The following GBF1 variants were observed in gnomAD, a reference collection of about 807,000 sequenced individuals.
GBF1 encodes the protein Golgi-specific brefeldin A-resistance guanine nucleotide exchange factor 1.
Under a neutral mutation model 210.5 loss-of-function variants are expected in GBF1, and 114 were observed. That is an observed-to-expected ratio of 0.54 (90% CI 0.47 to 0.63). The LOEUF (loss-of-function observed/expected upper bound fraction) is 0.63, where lower values mean the gene tolerates loss of function less well. Ranked by LOEUF, GBF1 falls within the 30% of genes least tolerant of loss-of-function variation. The pLI, the probability that GBF1 is intolerant of heterozygous loss-of-function variation, is 0.00. For synonymous variants in GBF1, 850 were observed against 889.2 expected (o/e 0.96, Z 0.78); for missense variants, 1,851 against 2,357.7 (o/e 0.79, Z 4.45).
chr10:102,327,045 A>G (rs953855371), intron 3 of GBF1, among the ~76,000 whole-genome samples: 3 of 152,140 alleles, frequency 2.0e-5, no homozygotes, highest in Middle Eastern at 3.2e-3. Flanking sequence ...CAGCATATAC[A>G]CTATTATGTA....
intron 3 of GBF1, among the ~76,000 whole-genome samples, chr10:102,304,532 G>A (rs1365148964): frequency 6.6e-6 from 1 of 152,116 alleles, no homozygotes; most frequent in East Asian, 1.9e-4. Flanking sequence ...CTAGCACTTT[G>A]GGAAGCCAGG....
chr10:102,236,727 C>T, the GBF1 span, among the ~76,000 whole-genome samples: 1 of 152,162 alleles, frequency 6.6e-6, no homozygotes, highest in African/African-American at 2.4e-5. Context: ...AGAGGTAGAC[C>T]AGGGACATAG....
intron 10 of GBF1, chr10:102,359,024 G>A: frequency 1.7e-6 from 1 of 589,612 alleles, no homozygotes; most frequent in Non-Finnish European, 3.0e-6. Flanking sequence ...TCCTAAGCCT[G>A]TGAGAGGCTC....
chr10:102,268,541 A>G (rs1418070770), intron 3 of GBF1, among the ~76,000 whole-genome samples: 3 of 152,066 alleles, frequency 2.0e-5, no homozygotes, highest in African/African-American at 4.8e-5. Flanking sequence ...TATATGCCCA[A>G]CTTACCATGA....
chr10:102,344,727 G>C (rs990111972), intron 4 of GBF1, among the ~76,000 whole-genome samples: 4 of 151,996 alleles, frequency 2.6e-5, no homozygotes, highest in African/African-American at 9.7e-5. Flanking sequence ...TGATCTGCCC[G>C]CCTTGGCCTC....
chr10:102,380,152 T>G, intron 36 of GBF1, 97 bp from the exon 37 acceptor site: 2 of 833,166 alleles, frequency 2.4e-6, no homozygotes, highest in Non-Finnish European at 4.2e-6. Context: ...GATCTAAGAT[T>G]CTCATGCAAG....
intron 20 of GBF1, 123 bp downstream of exon 20, chr10:102,367,333 G>C: frequency 8.1e-7 from 1 of 1,231,390 alleles, no homozygotes; most frequent in Non-Finnish European, 1.2e-6. Context: ...AGGAAGGGCT[G>C]GCCAACCTAG....
At chr10:102,334,738 A>G (rs753097820) in intron 3 of GBF1, among the ~76,000 whole-genome samples, 5 of 151,986 alleles carry the variant, frequency 3.3e-5, no homozygotes, top group Non-Finnish European at 7.4e-5. Flanking sequence ...AGTCCCAGCT[A>G]CTCGGGAGGC....
rs759999935 is a variant in GBF1, at chr10:102,381,119, G to GT, written c.5174-7dup. 3.1e-6 allele frequency: 5 copies of GT among 1,613,118 alleles called. No individual in the cohort carries two copies. The highest frequency in any genetic ancestry group is 1.7e-5 in the Admixed American group (1 of 59,930). Reference sequence around the variant, plus strand: ...AGAGGTGCCATCTCAATTCTCTACCGTCTCCAGACCCCATGCCCATGGAGC... The same window carrying GT: ...AGAGGTGCCATCTCAATTCTCTACCGTTCTCCAGACCCCATGCCCATGGAGC... On this transcript the variant is annotated splice_polypyrimidine_tract_variant and splice_region_variant and intron_variant, in intron 38 of 39. Transcript: ENST00000369983.
the GBF1 span, among the ~76,000 whole-genome samples, chr10:102,237,854 GCCT>G: frequency 6.6e-6 from 1 of 151,792 alleles, no homozygotes; most frequent in African/African-American, 2.4e-5. Context: ...TGTGTGTCAT[GCCT>G]CCTCCACTCC....
At chr10:102,260,728 C>T (rs779534064) in intron 3 of GBF1, among the ~76,000 whole-genome samples, 5 of 150,136 alleles carry the variant, frequency 3.3e-5, no homozygotes, top group Non-Finnish European at 5.9e-5. Context: ...TCCACTGCCT[C>T]GGCCTCTGAA....
In GBF1 at chr10:102,366,337, T is replaced by C; in HGVS notation, c.2310-46T>C. 6.2e-7 allele frequency: 1 copy of C among 1,610,572 alleles called. No homozygotes were observed. Among genetic ancestry groups the C allele is most frequent in the Non-Finnish European group, 8.5e-7 (1 of 1,177,126 alleles). Reference sequence around the variant, plus strand: ...ACAGTGACTAAAAGAGCCTGACATGTGCAGCTTACACATTTTCAGCCTCTT... The same window carrying C: ...ACAGTGACTAAAAGAGCCTGACATGCGCAGCTTACACATTTTCAGCCTCTT... On this transcript the variant is annotated intron_variant, in intron 18 of 39. Transcript: ENST00000369983. The surrounding 1 kb of genome is among the most constrained non-coding windows in gnomAD (Gnocchi z 4.0).
In GBF1 at chr10:102,366,983, A is replaced by G; in HGVS notation, c.2434-102A>G. On this transcript the variant is annotated intron_variant, in intron 19 of 39. Transcript: ENST00000369983. This position sits in a 1 kb window ranked among gnomAD's most constrained non-coding sequence, Gnocchi z 4.0. Reference sequence around the variant, plus strand: ...TGGCAAGAGACTGGCCACTTTCTGGATGGTACCTCTCCTCTGTACTAGCAC... The same window carrying G: ...TGGCAAGAGACTGGCCACTTTCTGGGTGGTACCTCTCCTCTGTACTAGCAC... 1.5e-6 allele frequency: 2 copies of G among 1,293,232 alleles called. No homozygotes were observed. The highest frequency in any genetic ancestry group is 2.3e-5 in the East Asian group (1 of 42,806). 80.1% of individuals were successfully genotyped at this position (1,293,232 alleles called of 1,614,324 possible). A position where few individuals can be genotyped will look rare whatever the true frequency, so the allele number is the denominator to read the frequency against.
At chr10:102,381,850 G>C in intron 39 of GBF1, among the ~76,000 whole-genome samples, 1 of 82,350 alleles carries the variant, frequency 1.2e-5, no homozygotes, top group Non-Finnish European at 2.6e-5. Context: ...AAAAAAAAAA[G>C]AGTAGCCTGG....
chr10:102,340,654 C>G (rs1002315305), intron 3 of GBF1, among the ~76,000 whole-genome samples: 3 of 152,098 alleles, frequency 2.0e-5, no homozygotes, highest in African/African-American at 7.2e-5. Flanking sequence ...AGGGATCCAC[C>G]CACCTCAGTC....
chr10:102,377,060 C>T lies in GBF1; in HGVS notation c.4414C>T (p.Arg1472Trp), dbSNP rs751619253. Reference sequence around the variant, plus strand: ...TCGAACCTCCAGCCAACATGCCTCTCGGGGCGGGCAGAGTGATGATGATGA... The same window carrying T: ...TCGAACCTCCAGCCAACATGCCTCTTGGGGCGGGCAGAGTGATGATGATGA... ...RPRTSSQHAS[R>W]GGQSDDDEDE... The change falls in exon 33 of 40, where the codon CGG (arginine) becomes TGG (tryptophan). Residue 1472 changes from arginine (R) to tryptophan (W), a missense_variant. Coordinates refer to ENST00000369983, the MANE Select transcript of GBF1 (RefSeq NM_001377137.1). 12 of 1,614,136 alleles carry T rather than the reference C, an allele frequency of 7.4e-6. No individual in the cohort carries two copies. Among genetic ancestry groups the T allele is most frequent in the Middle Eastern group, 1.7e-4 (1 of 6,060 alleles).
At chr10:102,301,983 T>C (rs1228377618) in intron 3 of GBF1, among the ~76,000 whole-genome samples, 4 of 151,646 alleles carry the variant, frequency 2.6e-5, no homozygotes, top group East Asian at 1.9e-4. Context: ...ACATTGAGCA[T>C]TGAGTGAACG....
intron 3 of GBF1, among the ~76,000 whole-genome samples, chr10:102,321,614 G>C (rs1187155646): frequency 6.6e-6 from 1 of 152,152 alleles, no homozygotes; most frequent in Non-Finnish European, 1.5e-5. Flanking sequence ...CTACTACCCA[G>C]GCTGGAGTAT....
At chr10:102,272,102 G>T (rs976744904) in intron 3 of GBF1, among the ~76,000 whole-genome samples, 1 of 140,252 alleles carries the variant, frequency 7.1e-6, no homozygotes, top group Non-Finnish European at 1.5e-5. Flanking sequence ...AGGTTGTCCT[G>T]CAATTGTTGA....
Sources: gnomAD v4.1 joint callset for allele counts (sites outside exome capture counted in the v4.1 genomes callset) on GRCh38, gnomAD v4.1.1 for gene constraint, Gnocchi (gnomAD v3.1) non-coding constraint, MANE v1.5 for transcripts, NCBI Gene and HGNC (gene_info 2026-07-23, HGNC 2026-07-21) for gene names.